Variants in FARS2 observed in about 807,000 individuals in gnomAD.
FARS2 encodes phenylalanine--tRNA ligase, mitochondrial.
FARS2 carries 40 observed loss-of-function variants against 46.4 expected under a neutral mutation model. The observed-to-expected ratio is 0.86, with a 90% CI of 0.67 to 1.12. The LOEUF (loss-of-function observed/expected upper bound fraction) is 1.12, where lower values mean the gene tolerates loss of function less well. Among genes scored for constraint, FARS2 ranks in the 50% most tolerant of loss-of-function variants. FARS2 has a pLI of 0.00. For synonymous variants in FARS2, 234 were observed against 214.9 expected, an observed-to-expected ratio of 1.09 and a Z score of -0.78; for missense variants, 513 against 567.9, an observed-to-expected ratio of 0.90 and a Z score of 0.98.
intron 1 of FARS2, chr6:5,291,230 A>C (rs1767482451): frequency 6.6e-6 from 1 of 152,230 alleles, no homozygotes; most frequent in Non-Finnish European, 1.5e-5. Context: ...AGTCTTGTTG[A>C]CATGATCTCA....
At chr6:5,568,631 T>A (rs1450000471) in intron 5 of FARS2, among the ~76,000 whole-genome samples, 1 of 152,084 alleles carries the variant, frequency 6.6e-6, no homozygotes. Context: ...TGTGGTTCAG[T>A]GTAGGGTGTT....
chr6:5,372,847 T>A lies in FARS2; in HGVS notation c.612+3665T>A, dbSNP rs188761795. 5.9e-5 allele frequency among the ~76,000 whole-genome samples: 9 copies of A among 152,310 alleles called. No homozygotes were observed. The East Asian group carries it at 1.5e-3, about 26-fold the overall frequency. On this transcript the variant is annotated intron_variant, in intron 2 of 6. Coordinates refer to ENST00000274680, the MANE Select transcript of FARS2 (RefSeq NM_006567.5). ...TGTCATATCTTTCGCTTTAGATATGTTTATTTTAAAAATTGAAAATGGAAA... is the reference window on the plus strand; with the variant it reads ...TGTCATATCTTTCGCTTTAGATATGATTATTTTAAAAATTGAAAATGGAAA...
intron 4 of FARS2, among the ~76,000 whole-genome samples, chr6:5,462,871 C>T (rs899295388): frequency 1.3e-5 from 2 of 152,142 alleles, no homozygotes; most frequent in Non-Finnish European, 2.9e-5. Context: ...TTCATCGAAT[C>T]TTTAGATCAT....
intron 1 of FARS2, among the ~76,000 whole-genome samples, chr6:5,342,504 G>T (rs1771728844): frequency 6.6e-6 from 1 of 152,172 alleles, no homozygotes; most frequent in African/African-American, 2.4e-5. Context: ...TGTAATCCCA[G>T]CACTTTGGGA....
upstream of FARS2, chr6:5,260,854 C>T (rs1389796349): frequency 4.7e-6 from 7 of 1,491,632 alleles, no homozygotes; most frequent in Non-Finnish European, 6.2e-6. Flanking sequence ...CTCGGCTTTG[C>T]CAGCGGGCCG....
chr6:5,716,324 G>A (rs376278127), intron 6 of FARS2, among the ~76,000 whole-genome samples: 2 of 152,144 alleles, frequency 1.3e-5, no homozygotes, highest in South Asian at 2.1e-4. Context: ...TCCAAACAAG[G>A]CCCACACTTA....
chr6:5,681,824 G>A (rs1779047764), intron 6 of FARS2, among the ~76,000 whole-genome samples: 1 of 152,176 alleles, frequency 6.6e-6, no homozygotes, highest in African/African-American at 2.4e-5. Flanking sequence ...CTCTTTTGGT[G>A]CTTTTCCTGA....
chr6:5,390,465 T>A (rs1760434679), intron 2 of FARS2, among the ~76,000 whole-genome samples: 1 of 152,246 alleles, frequency 6.6e-6, no homozygotes, highest in South Asian at 2.1e-4. Context: ...GTTCTACTGT[T>A]ACTTCAAGGA....
intron 5 of FARS2, among the ~76,000 whole-genome samples, chr6:5,606,798 C>A (rs1774864027): frequency 6.6e-6 from 1 of 152,164 alleles, no homozygotes; most frequent in African/African-American, 2.4e-5. Context: ...CAGCTGAAAA[C>A]CCTCAAGCTT....
chr6:5,457,420 C>T (rs376084238), intron 4 of FARS2, among the ~76,000 whole-genome samples: 4 of 152,280 alleles, frequency 2.6e-5, no homozygotes, highest in Admixed American at 2.0e-4. Context: ...GGCTGGCCGA[C>T]GTTTTTGATC....
chr6:5,760,594 A>C (rs902019873), intron 6 of FARS2, among the ~76,000 whole-genome samples: 15 of 152,076 alleles, frequency 9.9e-5, no homozygotes, highest in Non-Finnish European at 1.8e-4. Flanking sequence ...GTGCCTTCTC[A>C]AACAGAAATA....
chr6:5,461,499 A>C (rs1038921218), intron 4 of FARS2, among the ~76,000 whole-genome samples: 72 of 152,252 alleles, frequency 4.7e-4, no homozygotes, highest in African/African-American at 1.7e-3. Flanking sequence ...AACCCCAAAA[A>C]GTTTCCTCAT....
intron 4 of FARS2, among the ~76,000 whole-genome samples, chr6:5,437,651 T>G (rs1763602435): frequency 6.6e-6 from 1 of 152,192 alleles, no homozygotes; most frequent in Non-Finnish European, 1.5e-5. Context: ...TATATTACAA[T>G]ATCCATTCCT....
At chr6:5,515,055 G>A (rs1444312995) in intron 4 of FARS2, among the ~76,000 whole-genome samples, 2 of 151,948 alleles carry the variant, frequency 1.3e-5, no homozygotes, top group African/African-American at 4.8e-5. Flanking sequence ...GGATTACACG[G>A]ACAAGCCTTC....
rs768389954 is a variant in FARS2 at position 5,368,955 on chromosome 6, C to G, written c.385C>G (p.Leu129Val). The G allele has an allele frequency of 6.2e-7, 1 of 1,614,172 alleles. No individual in the cohort carries two copies. Among genetic ancestry groups the G allele is most frequent in the Non-Finnish European group, 8.5e-7 (1 of 1,180,030 alleles). Residue 129 changes from leucine (L) to valine (V), a missense_variant, in exon 2 of 7, where the codon CTG becomes GTG. By Grantham distance (32) the Leu-to-Val change is conservative (BLOSUM62 1). Coordinates refer to ENST00000274680, the MANE Select transcript of FARS2 (RefSeq NM_006567.5). ...VVTTWQNFDS[L>V]LIPADHPSRK... Reference sequence around the variant, plus strand: ...CACGACCTGGCAGAACTTTGACAGCCTGCTCATCCCAGCTGATCACCCCAG... The same window carrying G: ...CACGACCTGGCAGAACTTTGACAGCGTGCTCATCCCAGCTGATCACCCCAG...
intron 1 of FARS2, among the ~76,000 whole-genome samples, chr6:5,316,272 G>T (rs1396232065): frequency 6.6e-6 from 1 of 152,194 alleles, no homozygotes; most frequent in Admixed American, 6.5e-5. Context: ...AGTACTTTAA[G>T]ACAGCATGTT....
chr6:5,686,348 C>A lies in FARS2; in HGVS notation c.1217+73028C>A, dbSNP rs4959349. On this transcript the variant is annotated intron_variant, in intron 6 of 6. Coordinates refer to ENST00000274680, the MANE Select transcript of FARS2 (RefSeq NM_006567.5). The stretch of plus-strand genomic sequence containing the variant: ...GGTATATCTCCTAATGCTCTCCCCC[C>A]CCGCTGCCCACACCACGCAACAGGC... 1.8e-4 allele frequency among the ~76,000 whole-genome samples: 27 copies of A among 151,160 alleles called. 1 individual carries two copies. Among genetic ancestry groups the A allele is most frequent in the South Asian group, 6.2e-4 (3 of 4,814 alleles).
chr6:5,561,154 A>C (rs956295035), intron 5 of FARS2, among the ~76,000 whole-genome samples: 6 of 152,168 alleles, frequency 3.9e-5, no homozygotes, highest in Non-Finnish European at 8.8e-5. Flanking sequence ...AACAAACAAA[A>C]AAAGTATTGG....
intron 1 of FARS2, among the ~76,000 whole-genome samples, chr6:5,366,313 G>A (rs6904789): frequency 0.047 from 7,120 of 152,200 alleles, 501 homozygotes; most frequent in African/African-American, 0.16. Flanking sequence ...TATGAATGTC[G>A]TTGGTCTTAT....
Sources: gnomAD v4.1 joint callset for allele counts (sites outside exome capture counted in the v4.1 genomes callset) on GRCh38, gnomAD v4.1.1 for gene constraint, MANE v1.5 for transcripts, NCBI Gene and HGNC (gene_info 2026-07-23, HGNC 2026-07-21) for gene names.